Variants in C6orf89 observed in about 807,000 individuals in gnomAD.
C6orf89 encodes the protein chromosome 6 open reading frame 89, also known as bombesin receptor-activated protein C6orf89.
Under a neutral mutation model 40.7 loss-of-function variants are expected in C6orf89, and 29 were observed. That is an observed-to-expected ratio of 0.71 (90% CI 0.53 to 0.97). The LOEUF is 0.97. C6orf89 is among the 50% of genes least tolerant of loss of function. The pLI, the probability that C6orf89 is intolerant of heterozygous loss-of-function variation, is 0.00. For synonymous variants in C6orf89, 165 were observed against 152.2 expected (o/e 1.08, Z -0.62); for missense variants, 392 against 429.1 (o/e 0.91, Z 0.76).
Position 36,914,420 on chromosome 6 carries a change from T to C in C6orf89, c.540T>C (p.His180=). Residue 180 remains histidine (H), a synonymous_variant, in exon 5 of 9, where the codon CAT becomes CAC. Transcript: ENST00000480824. ...CCCCAAGGAAATTTGAGAGGCTCCA[T>C]CCACTGGTGATCAAGGTGAGCAGAA... ...EDAPRKFERL[H]PLVIKTGKPL... is the part of the protein sequence containing the mutation. The C allele has an allele frequency of 6.2e-7, 1 of 1,614,180 alleles. No homozygotes were observed. The highest frequency in any genetic ancestry group is 1.1e-5 in the South Asian group (1 of 91,078).
At chr6:36,901,773 C>T (rs1761729627) in intron 3 of C6orf89, among the ~76,000 whole-genome samples, 1 of 152,022 alleles carries the variant, frequency 6.6e-6, no homozygotes, top group African/African-American at 2.4e-5. Flanking sequence ...CGGGTTCCCG[C>T]CATTCTCCGG....
chr6:36,872,684 C>T (rs1034802856), intron 1 of C6orf89, among the ~76,000 whole-genome samples: 8 of 152,120 alleles, frequency 5.3e-5, no homozygotes, highest in African/African-American at 1.4e-4. Flanking sequence ...CTCAGCTTAT[C>T]GCAACCTCCA....
At position 36,925,371 on chromosome 6, in the gene C6orf89, G is replaced by C. The variant is rs549793807; in HGVS notation, c.*1930G>C. 6.6e-6 allele frequency: 1 copy of C among 152,240 alleles called. No individual in the cohort carries two copies. The highest frequency in any genetic ancestry group is 2.1e-4 in the South Asian group (1 of 4,824). 9.4% of individuals were successfully genotyped at this position (152,240 alleles called of 1,614,324 possible). A position where few individuals can be genotyped will look rare whatever the true frequency, so the allele number is the denominator to read the frequency against. On this transcript the variant is annotated 3_prime_UTR_variant, in exon 9 of 9. Coordinates refer to ENST00000480824, the MANE Select transcript of C6orf89 (RefSeq NM_001286635.2). ...TTTTGATTACTGAGATCTCTGTTTT[G>C]TTTCTGTGAGTTACTCTGTATTCCT...
intron 8 of C6orf89, 68 bp downstream of exon 8, chr6:36,919,769 G>A (rs2150715957): frequency 1.3e-6 from 2 of 1,489,786 alleles, no homozygotes; most frequent in Non-Finnish European, 1.8e-6. Flanking sequence ...GCTATTTTAA[G>A]AATCACATAC....
At chr6:36,896,601 C>T (rs776324028) in intron 2 of C6orf89, among the ~76,000 whole-genome samples, 23 of 152,216 alleles carry the variant, frequency 1.5e-4, no homozygotes, top group Non-Finnish European at 2.6e-4. Flanking sequence ...GGTATTGAGA[C>T]ACAGAATTTT....
At position 36,923,355 on chromosome 6, in the gene C6orf89, G is replaced by C. The variant is rs79686273; in HGVS notation, c.958G>C (p.Asp320His). The C allele has an allele frequency of 6.2e-7, 1 of 1,613,508 alleles. No homozygotes were observed. ...PIEPGDIGYV[D>H]TTHWKVYVIA... ...TGCTATTTCCCCTCAAGGCTATGTC[G>C]ACACCACCCACTGGAAGGTCTACGT... Residue 320 changes from aspartate (D) to histidine (H), a missense_variant, in exon 9 of 9, where the codon GAC becomes CAC. By Grantham distance (81) the Asp-to-His change is moderately conservative. Coordinates refer to ENST00000480824, the MANE Select transcript of C6orf89 (RefSeq NM_001286635.2).
intron 3 of C6orf89, among the ~76,000 whole-genome samples, chr6:36,901,629 C>T (rs1761718666): frequency 6.8e-6 from 1 of 148,136 alleles, no homozygotes; most frequent in East Asian, 2.0e-4. Context: ...CCACTGCGCC[C>T]GGCCCCCTTT....
At chr6:36,872,838 G>C (rs568806835) in intron 1 of C6orf89, among the ~76,000 whole-genome samples, 1 of 152,124 alleles carries the variant, frequency 6.6e-6, no homozygotes, top group Non-Finnish European at 1.5e-5. Flanking sequence ...TTGAACTCCT[G>C]GGCTCAAGCA....
chr6:36,914,511 A>G, intron 5 of C6orf89, 43 bp from the exon 6 acceptor site: 1 of 1,612,258 alleles, frequency 6.2e-7, no homozygotes, highest in African/African-American at 1.3e-5. Context: ...AATTTCTGAC[A>G]AGTAACTCTG....
chr6:36,874,708 C>G, intron 1 of C6orf89: 1 of 1,613,868 alleles, frequency 6.2e-7, no homozygotes, highest in African/African-American at 1.3e-5. Flanking sequence ...GACGCCCGAA[C>G]CCCCTCACCT....
intron 2 of C6orf89, among the ~76,000 whole-genome samples, chr6:36,879,808 G>A (rs902247082): frequency 1.2e-4 from 18 of 152,066 alleles, no homozygotes; most frequent in African/African-American, 3.6e-4. Context: ...TCGTAACCAC[G>A]TGGCAGTACT....
chr6:36,882,621 T>C (rs1334064266), upstream of C6orf89, among the ~76,000 whole-genome samples: 2 of 152,236 alleles, frequency 1.3e-5, no homozygotes, highest in Non-Finnish European at 2.9e-5. Context: ...TGGTTCCATA[T>C]TCCTGGAAAG....
At position 36,885,990 on chromosome 6, in the gene C6orf89, C is replaced by A. The variant is rs1774964863; in HGVS notation, c.-158C>A. On this transcript the variant is annotated 5_prime_UTR_variant, in exon 1 of 9. Coordinates refer to ENST00000480824, the MANE Select transcript of C6orf89 (RefSeq NM_001286635.2). Reference sequence around the variant, plus strand: ...TCCTCCTCGCCCGGCGGCAGCTGTCCCCGAGGCGGGAGGAGCCCGAGGGGC... The same window carrying A: ...TCCTCCTCGCCCGGCGGCAGCTGTCACCGAGGCGGGAGGAGCCCGAGGGGC... 8.4e-7 allele frequency: 1 copy of A among 1,196,008 alleles called. No individual in the cohort carries two copies. The allele number at this position is 1,196,008 out of a possible 1,614,324, so 74.1% of individuals were successfully genotyped here.
intron 1 of C6orf89, among the ~76,000 whole-genome samples, chr6:36,889,229 G>T (rs1022602181): frequency 6.6e-6 from 1 of 152,164 alleles, no homozygotes; most frequent in Non-Finnish European, 1.5e-5. Flanking sequence ...GGTCAGATAA[G>T]GTAATAACTG....
At chr6:36,890,233 A>G (rs1761145334) in intron 1 of C6orf89, among the ~76,000 whole-genome samples, 1 of 152,216 alleles carries the variant, frequency 6.6e-6, no homozygotes, top group South Asian at 2.1e-4. Flanking sequence ...TGTGCTGTAT[A>G]GTAGGTCTCT....
At chr6:36,884,429 A>G (rs548754004), upstream of C6orf89, among the ~76,000 whole-genome samples, 5 of 152,310 alleles carry the variant, frequency 3.3e-5, no homozygotes, top group Admixed American at 2.0e-4. This position sits in a 1 kb window ranked among gnomAD's most constrained non-coding sequence, Gnocchi z 4.0. Flanking sequence ...TCTTGCTATT[A>G]TCCGCCCGAT....
Position 36,916,441 on chromosome 6 carries a change from A to G in C6orf89, c.696-4A>G, listed in dbSNP as rs768643969. ...TACTTTTTTTCTGTTTCATACTTCT[A>G]CAGGAGGAGACCTCTGAACAGATCA... On this transcript the variant is annotated splice_region_variant and splice_polypyrimidine_tract_variant and intron_variant, in intron 6 of 8. Transcript: ENST00000480824. The G allele has an allele frequency of 4.2e-5, 68 of 1,613,834 alleles. No individual in the cohort carries two copies. The highest frequency in any genetic ancestry group is 3.3e-4 in the Middle Eastern group (2 of 6,084).
chr6:36,897,182 T>G (rs9296200), intron 2 of C6orf89, among the ~76,000 whole-genome samples: 37,128 of 150,246 alleles, frequency 0.25, 4,891 homozygotes, highest in East Asian at 0.31. Flanking sequence ...CTTCATTTTC[T>G]CATTTGTGGA....
intron 7 of C6orf89, among the ~76,000 whole-genome samples, chr6:36,918,598 A>G (rs1219739142): frequency 6.6e-6 from 1 of 152,154 alleles, no homozygotes; most frequent in Non-Finnish European, 1.5e-5. Context: ...AGAGAAAACC[A>G]AGACATGGCC....
Sources: allele counts gnomAD v4.1 joint callset (sites outside exome capture counted in the v4.1 genomes callset), GRCh38; gene constraint gnomAD v4.1.1; non-coding constraint Gnocchi (gnomAD v3.1); transcripts MANE v1.5; gene names NCBI Gene and HGNC (gene_info 2026-07-23, HGNC 2026-07-21).